Variants in TMEM132B observed in about 807,000 individuals in gnomAD.
TMEM132B encodes transmembrane protein 132B.
TMEM132B carries 18 observed loss-of-function variants against 90.8 expected under a neutral mutation model. That is an observed-to-expected ratio of 0.20 (90% confidence interval 0.14 to 0.29). TMEM132B has a LOEUF of 0.29. Among genes scored for constraint, TMEM132B ranks in the 10% least tolerant of loss-of-function variants. The pLI is 1.00. For missense variants in TMEM132B, 1,096 were observed against 1,326.8 expected, an observed-to-expected ratio of 0.83 and a Z score of 2.70; for synonymous variants, 504 against 523.3, an observed-to-expected ratio of 0.96 and a Z score of 0.50.
intron 4 of TMEM132B, among the ~76,000 whole-genome samples, chr12:125,539,973 A>C (rs923679119): frequency 2.0e-5 from 3 of 152,130 alleles, no homozygotes; most frequent in African/African-American, 7.2e-5. Context: ...ATAGACATTT[A>C]GTGCTATAAA....
chr12:125,345,315 T>G (rs779080533), intron 1 of TMEM132B, among the ~76,000 whole-genome samples: 2 of 152,144 alleles, frequency 1.3e-5, no homozygotes, highest in Non-Finnish European at 2.9e-5. Flanking sequence ...CAGACATGAC[T>G]GGAGCTAACA....
At chr12:125,323,721 G>A (rs573404113) in intron 1 of TMEM132B, among the ~76,000 whole-genome samples, 71 of 152,228 alleles carry the variant, frequency 4.7e-4, no homozygotes, top group Admixed American at 2.4e-3. Flanking sequence ...GTTTTGCCAC[G>A]TTGGTCAGGC....
In TMEM132B at chr12:125,378,374, A is replaced by G. The variant is rs571853441; in HGVS notation, c.959+28031A>G. ...TTGACTGCACGTACCATCAAATCCA[A>G]TGACAGTGCCTCAGTCAAGCAGGGC... On this transcript the variant is annotated intron_variant, in intron 2 of 8. Coordinates refer to ENST00000682704, the MANE Select transcript of TMEM132B (RefSeq NM_001366854.1). 8.5e-5 allele frequency among the ~76,000 whole-genome samples: 13 copies of G among 152,308 alleles called. No homozygotes were observed. In the South Asian group the frequency reaches 2.1e-3, roughly 24 times the overall value.
chr12:125,333,202 A>G (rs1319592317), intron 1 of TMEM132B, among the ~76,000 whole-genome samples: 3 of 152,010 alleles, frequency 2.0e-5, no homozygotes, highest in Non-Finnish European at 4.4e-5. Flanking sequence ...GCCTTCTCCT[A>G]TGTCTTTGTG....
intron 4 of TMEM132B, among the ~76,000 whole-genome samples, chr12:125,531,918 G>A (rs1242994292): frequency 6.6e-6 from 1 of 152,216 alleles, no homozygotes; most frequent in Admixed American, 6.5e-5. Flanking sequence ...GGCTCTCCTG[G>A]CGCTGCAAGC....
At chr12:125,432,366 A>T (rs867098092) in intron 3 of TMEM132B, among the ~76,000 whole-genome samples, 1 of 11,916 alleles carries the variant, frequency 8.4e-5, no homozygotes, top group African/African-American at 2.7e-4. Flanking sequence ...GAATTCCTTG[A>T]ATATATATAT....
chr12:125,449,027 C>T (rs371206565), intron 3 of TMEM132B, among the ~76,000 whole-genome samples: 73 of 139,400 alleles, frequency 5.2e-4, no homozygotes, highest in African/African-American at 1.8e-3. Flanking sequence ...AGTGCAGTGG[C>T]GCAGTCTCGG....
At chr12:125,531,732 T>G (rs115840133) in intron 4 of TMEM132B, among the ~76,000 whole-genome samples, 181 of 152,366 alleles carry the variant, frequency 1.2e-3, no homozygotes, top group African/African-American at 4.4e-3. Flanking sequence ...TTTCACCTGA[T>G]TGATCCTACC....
intron 1 of TMEM132B, among the ~76,000 whole-genome samples, chr12:125,249,706 C>G (rs1224180148): frequency 6.6e-6 from 1 of 152,190 alleles, no homozygotes; most frequent in Non-Finnish European, 1.5e-5. Context: ...AGCAATTTGA[C>G]AGTTGTCATC....
chr12:125,295,039 G>T (rs1039106276), intron 1 of TMEM132B, among the ~76,000 whole-genome samples: 2 of 152,120 alleles, frequency 1.3e-5, no homozygotes, highest in Admixed American at 6.5e-5. Context: ...TGTATTTTCA[G>T]TTTTTCTACT....
intron 2 of TMEM132B, among the ~76,000 whole-genome samples, chr12:125,394,169 A>T (rs1459516944): frequency 6.6e-6 from 1 of 152,226 alleles, no homozygotes; most frequent in South Asian, 2.1e-4. Flanking sequence ...AGAGGACATC[A>T]GTGAGGTGGC....
At chr12:125,487,780 G>A (rs538478772) in intron 3 of TMEM132B, among the ~76,000 whole-genome samples, 1 of 152,092 alleles carries the variant, frequency 6.6e-6, no homozygotes, top group Non-Finnish European at 1.5e-5. Flanking sequence ...TTTTCTACAC[G>A]TCTGCTATTT....
intron 5 of TMEM132B, among the ~76,000 whole-genome samples, chr12:125,634,146 G>A (rs528856008): frequency 6.6e-6 from 1 of 152,192 alleles, no homozygotes; most frequent in Non-Finnish European, 1.5e-5. Context: ...ACCACTAGAC[G>A]CAGTCCTTCC....
intron 1 of TMEM132B, among the ~76,000 whole-genome samples, chr12:125,256,312 A>C (rs766747831): frequency 2.6e-5 from 4 of 152,232 alleles, no homozygotes; most frequent in Non-Finnish European, 5.9e-5. Context: ...AGGGCAACTT[A>C]AGAACATCAG....
intron 1 of TMEM132B, chr12:125,300,965 A>G (rs983567006): frequency 2.0e-5 from 3 of 151,970 alleles, no homozygotes; most frequent in African/African-American, 7.3e-5. Flanking sequence ...ACTTACAAAT[A>G]ATTCAAAAGG....
At chr12:125,519,784 C>T (rs150418564) in intron 4 of TMEM132B, among the ~76,000 whole-genome samples, 159 bp downstream of exon 4, 18 of 152,308 alleles carry the variant, frequency 1.2e-4, no homozygotes, top group African/African-American at 3.1e-4. Context: ...ATAATGGCTC[C>T]TTGGGAACTA....
intron 1 of TMEM132B, among the ~76,000 whole-genome samples, chr12:125,317,040 G>C (rs1028077987): frequency 6.6e-6 from 1 of 152,112 alleles, no homozygotes; most frequent in Non-Finnish European, 1.5e-5. Context: ...AGCAGAATGG[G>C]GGGCTCCCGA....
Position 125,379,220 on chromosome 12 carries a change from T to G in TMEM132B, c.959+28877T>G, listed in dbSNP as rs552278123. On this transcript the variant is annotated intron_variant, in intron 2 of 8. Transcript: ENST00000682704. ...GTTACATGGCAAGGGGGAATTGAGG[T>G]TGAAGATGGAATTTAGGCTTGATCA... is the stretch of plus-strand genomic sequence containing the variant. 1.6e-4 allele frequency among the ~76,000 whole-genome samples: 24 copies of G among 152,030 alleles called. 1 individual carries two copies. The South Asian group carries it at 4.8e-3, about 30-fold the overall frequency.
intron 3 of TMEM132B, among the ~76,000 whole-genome samples, chr12:125,484,655 G>A (rs1882153672): frequency 1.3e-5 from 2 of 152,210 alleles, no homozygotes; most frequent in Admixed American, 1.3e-4. Flanking sequence ...TATTGTGACA[G>A]GGTCTTGCTT....
Sources: gnomAD v4.1 joint callset for allele counts (sites outside exome capture counted in the v4.1 genomes callset) on GRCh38, gnomAD v4.1.1 for gene constraint, MANE v1.5 for transcripts, NCBI Gene and HGNC (gene_info 2026-07-23, HGNC 2026-07-21) for gene names.